IKZF5: variants seen among roughly 807,000 people sequenced by gnomAD.
IKZF5 encodes zinc finger protein Pegasus.
A neutral mutation model predicts 30.7 loss-of-function variants in IKZF5; 4 were observed. That is an observed-to-expected ratio of 0.13 (90% CI 0.06 to 0.30). The LOEUF (loss-of-function observed/expected upper bound fraction) is 0.30. IKZF5 is among the 10% of genes least tolerant of loss of function. The pLI, the probability that IKZF5 is intolerant of heterozygous loss-of-function variation, is 1.00. For synonymous variants in IKZF5, 148 were observed against 179.6 expected, an observed-to-expected ratio of 0.82 and a Z score of 1.41; for missense variants, 348 against 525.5, an observed-to-expected ratio of 0.66 and a Z score of 3.30.
Position 122,991,448 on chromosome 10 carries a change from A to G in IKZF5, c.*2332T>C, listed in dbSNP as rs1849159296. 1 of 152,202 alleles carries G rather than the reference A, an allele frequency of 6.6e-6. No individual in the cohort carries two copies. The highest frequency in any genetic ancestry group is 2.1e-4 in the South Asian group (1 of 4,832). The allele number at this position is 152,202 out of a possible 1,614,324, so 9.4% of individuals were successfully genotyped here. On this transcript the variant is annotated 3_prime_UTR_variant, in exon 5 of 5. Coordinates refer to ENST00000368886, the MANE Select transcript of IKZF5 (RefSeq NM_001372123.1). ...TTGCCTGTTAACGGCAAAGTACTATAAATAGTGCATGTTAAACTCTTCCCA... is the reference window on the plus strand; with the variant it reads ...TTGCCTGTTAACGGCAAAGTACTATGAATAGTGCATGTTAAACTCTTCCCA...
chr10:123,002,077 T>C (rs1316753677), intron 2 of IKZF5, among the ~76,000 whole-genome samples: 4 of 152,216 alleles, frequency 2.6e-5, no homozygotes, highest in Admixed American at 2.6e-4. Flanking sequence ...TCTTGTCTTC[T>C]CTCTTCACAT....
downstream of IKZF5, chr10:122,990,806 G>A (rs1332200588): frequency 6.7e-6 from 1 of 149,714 alleles, no homozygotes; most frequent in Admixed American, 6.7e-5. Context: ...AAAAACCAAG[G>A]TCATTAGAAA....
At position 122,993,810 on chromosome 10, in the gene IKZF5, A is replaced by G. The variant is rs1849252879; in HGVS notation, c.1230T>C (p.His410=). ...KCKNKYDFAC[H]FARGQHNQH The stretch of plus-strand genomic sequence containing the variant: ...GTTGGTTATGTTGCCCTCTTGCAAA[A>G]TGACAGGCAAAATCATACTTGTTTT... The change falls in exon 5 of 5, where the codon CAT becomes CAC. Residue 410 remains histidine, a synonymous_variant. Transcript: ENST00000368886. 2 of 1,606,314 alleles carry G rather than the reference A, an allele frequency of 1.2e-6. No homozygotes were observed. The highest frequency in any genetic ancestry group is 1.3e-5 in the African/African-American group (1 of 74,900).
At position 122,991,233 on chromosome 10, in the gene IKZF5, A is replaced by T. The variant is rs1849153003; in HGVS notation, c.*2547T>A. 6.6e-6 allele frequency: 1 copy of T among 152,158 alleles called. No homozygotes were observed. Among genetic ancestry groups the T allele is most frequent in the South Asian group, 2.1e-4 (1 of 4,830 alleles). The allele number at this position is 152,158 out of a possible 1,614,324, so 9.4% of individuals were successfully genotyped here. ...CACCCAGTGGAATTTTTTCAAAGTA[A>T]ATGTCTAGCCTTAACTTGAAGTTCA... On this transcript the variant is annotated 3_prime_UTR_variant, in exon 5 of 5. Coordinates refer to ENST00000368886, the MANE Select transcript of IKZF5 (RefSeq NM_001372123.1).
At chr10:123,005,096 C>A (rs1849733559) in intron 2 of IKZF5, among the ~76,000 whole-genome samples, 1 of 151,946 alleles carries the variant, frequency 6.6e-6, no homozygotes, top group Non-Finnish European at 1.5e-5. Context: ...CAAGACCAGT[C>A]CAGGCAACAG....
In IKZF5 at chr10:122,992,355, A is replaced by G. The variant is rs1357886347; in HGVS notation, c.*1425T>C. 2 of 152,146 alleles carry G rather than the reference A, an allele frequency of 1.3e-5. No individual in the cohort carries two copies. Among genetic ancestry groups the G allele is most frequent in the East Asian group, 1.9e-4 (1 of 5,198 alleles). The allele number at this position is 152,146 out of a possible 1,614,324, so 9.4% of individuals were successfully genotyped here. A position where few individuals can be genotyped will look rare whatever the true frequency, so the allele number is the denominator to read the frequency against. On this transcript the variant is annotated 3_prime_UTR_variant, in exon 5 of 5. Transcript: ENST00000368886. ...CTTTTTTGGTTAATAGATGCTTACT[A>G]TTCTCTTTAAGATGCCAATTAGGGG...
At chr10:123,000,508 T>C (rs1480230596) in intron 2 of IKZF5, among the ~76,000 whole-genome samples, 2 of 152,266 alleles carry the variant, frequency 1.3e-5, no homozygotes, top group Non-Finnish European at 2.9e-5. Context: ...AATTGGCTGC[T>C]GTGAATAAAG....
At chr10:123,008,131 C>T (rs920210695) in intron 1 of IKZF5, among the ~76,000 whole-genome samples, 8 of 152,180 alleles carry the variant, frequency 5.3e-5, no homozygotes, top group Admixed American at 2.6e-4. Flanking sequence ...TTTCTCAAAT[C>T]TCACATGTTC....
At chr10:123,006,752 C>A (rs1849803619) in intron 2 of IKZF5, among the ~76,000 whole-genome samples, 1 of 152,112 alleles carries the variant, frequency 6.6e-6, no homozygotes, top group South Asian at 2.1e-4. Flanking sequence ...ATGTGTTTAC[C>A]CTCCATAGCC....
At chr10:122,999,274 T>G (rs901759061) in intron 2 of IKZF5, among the ~76,000 whole-genome samples, 1 of 152,232 alleles carries the variant, frequency 6.6e-6, no homozygotes, top group Non-Finnish European at 1.5e-5. Context: ...CACTTGAAAT[T>G]TGGCTAATAC....
At position 123,002,706 on chromosome 10, in the gene IKZF5, T is replaced by G. The variant is rs1849634351; in HGVS notation, c.-46-4035A>C. ...CAGGCGTGGTGGCAGAAGAATTGAT[T>G]GAACCCAGGAGGTGGAGGCTGCAGT... On this transcript the variant is annotated intron_variant, in intron 2 of 4. Transcript: ENST00000368886. 4.0e-5 allele frequency among the ~76,000 whole-genome samples: 6 copies of G among 150,506 alleles called. No individual in the cohort carries two copies. The South Asian group carries it at 1.3e-3, about 32-fold the overall frequency.
chr10:123,006,821 T>G lies in IKZF5; in HGVS notation c.-47+205A>C, dbSNP rs574268192. The stretch of plus-strand genomic sequence containing the variant: ...TAGAACACATATAAACAGACAACGT[T>G]GACAAATAAGGATTGGTTTCTATGG... On this transcript the variant is annotated intron_variant, in intron 2 of 4. Coordinates refer to ENST00000368886, the MANE Select transcript of IKZF5 (RefSeq NM_001372123.1). 2.0e-3 allele frequency among the ~76,000 whole-genome samples: 306 copies of G among 152,268 alleles called. 3 individuals carry two copies. Among genetic ancestry groups the G allele is most frequent in the African/African-American group, 7.1e-3 (295 of 41,552 alleles).
At chr10:123,001,661 C>T (rs987492412) in intron 2 of IKZF5, among the ~76,000 whole-genome samples, 1 of 152,174 alleles carries the variant, frequency 6.6e-6, no homozygotes, top group Non-Finnish European at 1.5e-5. Flanking sequence ...GGCTCTGCTT[C>T]TGGATTCTCT....
intron 2 of IKZF5, among the ~76,000 whole-genome samples, chr10:123,000,555 G>A (rs75397321): frequency 4.3e-4 from 65 of 152,170 alleles, no homozygotes; most frequent in South Asian, 3.3e-3. Context: ...TTTTGATTAC[G>A]TACATATTTC....
At position 122,991,917 on chromosome 10, in the gene IKZF5, T is replaced by C. The variant is rs1849175048; in HGVS notation, c.*1863A>G. On this transcript the variant is annotated 3_prime_UTR_variant, in exon 5 of 5. Coordinates refer to ENST00000368886, the MANE Select transcript of IKZF5 (RefSeq NM_001372123.1). Reference sequence around the variant, plus strand: ...TTCATGAAAATTTTCATTTTCTATTTTGGGGTACTGCTTTTATCTGAAGAA... The same window carrying C: ...TTCATGAAAATTTTCATTTTCTATTCTGGGGTACTGCTTTTATCTGAAGAA... 3 of 152,228 alleles carry C rather than the reference T, an allele frequency of 2.0e-5. No individual in the cohort carries two copies. The South Asian group carries it at 6.2e-4, about 32-fold the overall frequency. 9.4% of individuals were successfully genotyped at this position (152,228 alleles called of 1,614,324 possible).
rs531178300 is a variant in IKZF5 at position 122,999,662 on chromosome 10, C to A, written c.-46-991G>T. On this transcript the variant is annotated intron_variant, in intron 2 of 4. Transcript: ENST00000368886. ...CCCTGCTCTAGAAATATCCAAATCA[C>A]CACCTCTACTACCTATCATCCTATC... Among the ~76,000 whole-genome samples, 4 of 152,324 alleles carry A rather than the reference C, an allele frequency of 2.6e-5. No individual in the cohort carries two copies. In the East Asian group the frequency reaches 7.7e-4, roughly 29 times the overall value.
chr10:123,007,379 T>C (rs1849835816), intron 1 of IKZF5, among the ~76,000 whole-genome samples: 1 of 152,212 alleles, frequency 6.6e-6, no homozygotes, highest in Non-Finnish European at 1.5e-5. Flanking sequence ...AAAGAATAAC[T>C]GGTGTGACTA....
chr10:123,004,735 A>C (rs545960243), intron 2 of IKZF5, among the ~76,000 whole-genome samples: 1 of 152,248 alleles, frequency 6.6e-6, no homozygotes, highest in East Asian at 1.9e-4. Context: ...TATGCTTTAT[A>C]ACCTTAAACA....
At position 122,993,617 on chromosome 10, in the gene IKZF5, T is replaced by C; in HGVS notation, c.*163A>G. On this transcript the variant is annotated 3_prime_UTR_variant, in exon 5 of 5. Coordinates refer to ENST00000368886, the MANE Select transcript of IKZF5 (RefSeq NM_001372123.1). The stretch of plus-strand genomic sequence containing the variant: ...ATAAATGACCCTGACCAGATTTTTA[T>C]GAAAAAAAGGGGAAATTTTATTCCA... The C allele has an allele frequency of 2.0e-6, 1 of 504,558 alleles. No individual in the cohort carries two copies. 31.3% of individuals were successfully genotyped at this position (504,558 alleles called of 1,614,324 possible). A position where few individuals can be genotyped will look rare whatever the true frequency, so the allele number is the denominator to read the frequency against.
Sources: gnomAD v4.1 joint callset for allele counts (sites outside exome capture counted in the v4.1 genomes callset) on GRCh38, gnomAD v4.1.1 for gene constraint, MANE v1.5 for transcripts, NCBI Gene and HGNC (gene_info 2026-07-23, HGNC 2026-07-21) for gene names.